Variants in CLDN16 observed in about 807,000 individuals in gnomAD.
CLDN16 encodes the protein claudin-16.
A neutral mutation model predicts 24.6 loss-of-function variants in CLDN16; 13 were observed. That is an observed-to-expected ratio of 0.53 (90% confidence interval 0.34 to 0.84). The LOEUF (loss-of-function observed/expected upper bound fraction) is 0.84, where lower values mean the gene tolerates loss of function less well. Among genes scored for constraint, CLDN16 ranks in the 40% least tolerant of loss-of-function variants. The probability of loss-of-function intolerance (pLI) is 0.01; values close to 1 mark genes in which losing one functional copy is unlikely to be tolerated. For missense variants in CLDN16, 298 were observed against 292.7 expected (o/e 1.02, Z -0.13); for synonymous variants, 116 against 106.7 (o/e 1.09, Z -0.54).
chr3:190,408,186 C>A (rs975332085), intron 3 of CLDN16, 128 bp from the exon 4 acceptor site: 2 of 897,452 alleles, frequency 2.2e-6, no homozygotes, highest in South Asian at 2.6e-5. Context: ...TTCGGGTTGC[C>A]CATGAATCCA....
At chr3:190,373,554 A>G (rs981806970) in intron 2 of CLDN16, among the ~76,000 whole-genome samples, 6 of 152,002 alleles carry the variant, frequency 3.9e-5, no homozygotes, top group Admixed American at 6.6e-5. Context: ...TGTTAAGTAT[A>G]GTTTGAGTGG....
At chr3:190,407,672 G>A (rs1222192956) in intron 3 of CLDN16, among the ~76,000 whole-genome samples, 1 of 152,050 alleles carries the variant, frequency 6.6e-6, no homozygotes, top group African/African-American at 2.4e-5. Flanking sequence ...GTATTTAAAG[G>A]GAATAACATT....
At chr3:190,293,646 G>A in the CLDN16 span, among the ~76,000 whole-genome samples, 1 of 152,194 alleles carries the variant, frequency 6.6e-6, no homozygotes, top group Non-Finnish European at 1.5e-5. Flanking sequence ...ATTGAGAAGT[G>A]AGCAGGGATC....
intron 1 of CLDN16, among the ~76,000 whole-genome samples, chr3:190,366,825 C>G (rs982053731): frequency 1.3e-5 from 2 of 151,904 alleles, no homozygotes; most frequent in African/African-American, 4.8e-5. Flanking sequence ...GAGCAATCAG[C>G]ATCTAAGTCT....
chr3:190,361,619 C>T (rs866881042), intron 1 of CLDN16, among the ~76,000 whole-genome samples: 5 of 151,932 alleles, frequency 3.3e-5, no homozygotes, highest in South Asian at 2.1e-4. Flanking sequence ...CTGGAGATAA[C>T]ATTGATACAA....
chr3:190,340,640 G>A (rs1052101168), intron 1 of CLDN16, among the ~76,000 whole-genome samples: 3 of 152,030 alleles, frequency 2.0e-5, no homozygotes, highest in Admixed American at 6.5e-5. Context: ...TGCCCCTAGC[G>A]ACTCCTAATC....
intron 2 of CLDN16, among the ~76,000 whole-genome samples, chr3:190,402,963 C>A (rs971395016): frequency 1.8e-4 from 27 of 152,124 alleles, no homozygotes; most frequent in Non-Finnish European, 2.8e-4. Flanking sequence ...GAAGAAAAAA[C>A]CAACACATGT....
chr3:190,307,924 C>A, the CLDN16 span: 1 of 182,368 alleles, frequency 5.5e-6, no homozygotes, highest in Non-Finnish European at 1.2e-5. Flanking sequence ...CTAGTATCAA[C>A]ATAATGAGAA....
At chr3:190,304,850 AT>A in the CLDN16 span, among the ~76,000 whole-genome samples, 1 of 152,176 alleles carries the variant, frequency 6.6e-6, no homozygotes, top group Admixed American at 6.6e-5. Context: ...ATCTGGGCAA[AT>A]ATAGAAAGTG....
chr3:190,376,396 A>G (rs1277661652), intron 3 of CLDN16, among the ~76,000 whole-genome samples: 5 of 151,938 alleles, frequency 3.3e-5, no homozygotes, highest in African/African-American at 1.2e-4. Flanking sequence ...TGAAAAAAAA[A>G]TCTTAGTCTC....
rs35220103 is a variant in CLDN16, at chr3:190,392,059, C to CTTTTTTTTTTTTTTTTTTTTTTTT, written c.114+3633_114+3634insTTTTTTTTTTTTTTTTTTTTTTTT. On this transcript the variant is annotated intron_variant, in intron 1 of 4. Coordinates refer to ENST00000264734, the MANE Select transcript of CLDN16 (RefSeq NM_006580.4). Reference sequence around the variant, plus strand: ...AGTTGTTTCTAAGGTCCTTTTCAGTCTTTTTTTTTTTTTTTTTAACATCAT... The same window carrying CTTTTTTTTTTTTTTTTTTTTTTTT: ...AGTTGTTTCTAAGGTCCTTTTCAGTCTTTTTTTTTTTTTTTTTTTTTTTTTTTTTTTTTTTTTTTTTAACATCAT... 3.8e-4 allele frequency among the ~76,000 whole-genome samples: 48 copies of CTTTTTTTTTTTTTTTTTTTTTTTT among 126,084 alleles called. 1 individual carries two copies. Among genetic ancestry groups the CTTTTTTTTTTTTTTTTTTTTTTTT allele is most frequent in the Non-Finnish European group, 5.1e-4 (30 of 59,300 alleles). The allele number at this position is 126,084 out of a possible 152,430, so 82.7% of individuals were successfully genotyped here. A position where few individuals can be genotyped will look rare whatever the true frequency, so the allele number is the denominator to read the frequency against.
At position 190,402,327 on chromosome 3, in the gene CLDN16, T is replaced by C. The variant is rs773087384; in HGVS notation, c.115-10T>C. 2 of 1,608,380 alleles carry C rather than the reference T, an allele frequency of 1.2e-6. No homozygotes were observed. The highest frequency in any genetic ancestry group is 2.7e-5 in the African/African-American group (2 of 74,802). On this transcript the variant is annotated splice_polypyrimidine_tract_variant and intron_variant, in intron 1 of 4. Coordinates refer to ENST00000264734, the MANE Select transcript of CLDN16 (RefSeq NM_006580.4). ...GAATTGTTTCACACGGTGTCTTCTC[T>C]AACATCTAGGTGAGCACAAAATGCC...
At chr3:190,379,187 A>G (rs1038548901) in intron 3 of CLDN16, among the ~76,000 whole-genome samples, 1 of 152,088 alleles carries the variant, frequency 6.6e-6, no homozygotes, top group African/African-American at 2.4e-5. Context: ...AATATAAGCT[A>G]AAAAATTCTG....
upstream of CLDN16, among the ~76,000 whole-genome samples, chr3:190,384,618 G>A (rs1478000216): frequency 1.3e-5 from 2 of 152,146 alleles, no homozygotes; most frequent in African/African-American, 4.8e-5. Flanking sequence ...CAATAGCCCT[G>A]GAGCTGCAAA....
At chr3:190,339,242 G>C (rs1317136635) in intron 1 of CLDN16, among the ~76,000 whole-genome samples, 2 of 152,142 alleles carry the variant, frequency 1.3e-5, no homozygotes, top group African/African-American at 4.8e-5. Flanking sequence ...ACCTGCACAA[G>C]ACTCTCTGTC....
intron 3 of CLDN16, among the ~76,000 whole-genome samples, chr3:190,380,299 C>G (rs1179636320): frequency 6.8e-6 from 1 of 148,122 alleles, no homozygotes; most frequent in Non-Finnish European, 1.5e-5. Context: ...GACTAATAAA[C>G]ATCATCTAGA....
the CLDN16 span, among the ~76,000 whole-genome samples, chr3:190,312,266 A>G: frequency 6.6e-6 from 1 of 150,720 alleles, no homozygotes; most frequent in African/African-American, 2.5e-5. Flanking sequence ...GGAAAATATA[A>G]TATTATTTTA....
chr3:190,331,354 C>T (rs967031336), intron 1 of CLDN16, among the ~76,000 whole-genome samples: 3 of 152,116 alleles, frequency 2.0e-5, no homozygotes, highest in African/African-American at 7.2e-5. Flanking sequence ...TTTAGAACAG[C>T]CAAAGGCTTG....
At chr3:190,317,478 C>T in the CLDN16 span, among the ~76,000 whole-genome samples, 1 of 152,186 alleles carries the variant, frequency 6.6e-6, no homozygotes, top group African/African-American at 2.4e-5. Flanking sequence ...TACTGATCTA[C>T]TACACTTAGG....
Sources: gnomAD v4.1 joint callset for allele counts (sites outside exome capture counted in the v4.1 genomes callset) on GRCh38, gnomAD v4.1.1 for gene constraint, MANE v1.5 for transcripts, NCBI Gene and HGNC (gene_info 2026-07-23, HGNC 2026-07-21) for gene names.